The following EPB41 variants were observed in gnomAD, a reference collection of about 807,000 sequenced individuals.
EPB41 encodes the protein erythrocyte membrane protein band 4.1.
EPB41 carries 65 observed loss-of-function variants against 108.0 expected under a neutral mutation model. That is an observed-to-expected ratio of 0.60 (90% CI 0.49 to 0.74). The LOEUF is 0.74. EPB41 is among the 30% of genes least tolerant of loss of function. EPB41 has a pLI of 0.00. For synonymous variants in EPB41, 336 were observed against 358.9 expected (o/e 0.94, Z 0.72); for missense variants, 875 against 1,037.0 (o/e 0.84, Z 2.15).
At chr1:28,967,391 T>G (rs1028462988) in intron 1 of EPB41, among the ~76,000 whole-genome samples, 2 of 152,194 alleles carry the variant, frequency 1.3e-5, no homozygotes, top group African/African-American at 4.8e-5. Flanking sequence ...TTACTGATAC[T>G]TTGGAATCTG....
chr1:29,039,264 A>G lies in EPB41; in HGVS notation c.1474A>G (p.Thr492Ala), dbSNP rs778090351. 19 of 1,614,080 alleles carry G rather than the reference A, an allele frequency of 1.2e-5. No homozygotes were observed. In the East Asian group the frequency reaches 4.2e-4, roughly 36 times the overall value. Residue 492 changes from threonine (T) to alanine (A), a missense_variant, in exon 11 of 21, where the codon ACA (threonine) becomes GCA (alanine). By Grantham distance (58) the Thr-to-Ala change is moderately conservative. Coordinates refer to ENST00000343067, the MANE Select transcript of EPB41 (RefSeq NM_001376013.1). The part of the protein sequence containing the change: ...EHHTFFRLTS[T>A]DTIPKSKFLA... ...CGATTTTCCCCCCAGATTGACATCT[A>G]CAGACACCATTCCCAAAAGCAAATT...
At chr1:29,007,539 C>T (rs896781636) in intron 4 of EPB41, among the ~76,000 whole-genome samples, 1 of 152,196 alleles carries the variant, frequency 6.6e-6, no homozygotes, top group Non-Finnish European at 1.5e-5. Context: ...ATGTCCTCAT[C>T]TGCACTTGAT....
At chr1:28,920,355 T>G (rs1459807236) in intron 1 of EPB41, among the ~76,000 whole-genome samples, 1 of 152,204 alleles carries the variant, frequency 6.6e-6, no homozygotes, top group East Asian at 1.9e-4. Context: ...TTGTAGTTAA[T>G]TGTTATTTAT....
chr1:29,029,232 TCTC>T (rs950078555), intron 7 of EPB41, among the ~76,000 whole-genome samples: 11 of 152,270 alleles, frequency 7.2e-5, no homozygotes, highest in Admixed American at 6.5e-4. Flanking sequence ...ATTTTCCCAT[TCTC>T]CTTTTTTTAA....
intron 7 of EPB41, among the ~76,000 whole-genome samples, 166 bp from the exon 8 acceptor site, chr1:29,030,234 G>A (rs2096771674): frequency 6.6e-6 from 1 of 152,278 alleles, no homozygotes; most frequent in African/African-American, 2.4e-5. Context: ...GATACAGGCA[G>A]TGATGGGTTC....
intron 5 of EPB41, among the ~76,000 whole-genome samples, chr1:29,013,079 C>A (rs1229498553): frequency 6.6e-6 from 1 of 151,844 alleles, no homozygotes; most frequent in East Asian, 1.9e-4. Flanking sequence ...AAAAAAAAAT[C>A]TTGCTAAGAA....
intron 11 of EPB41, 108 bp from the exon 12 acceptor site, chr1:29,052,996 C>T (rs1644785091): frequency 8.3e-6 from 10 of 1,212,036 alleles, no homozygotes; most frequent in Non-Finnish European, 1.1e-5. Flanking sequence ...ACTACACACT[C>T]TAACATTCGT....
chr1:29,030,427 G>A lies in EPB41; in HGVS notation c.1152G>A (p.Leu384=), dbSNP rs759914778. 1 of 1,614,046 alleles carries A rather than the reference G, an allele frequency of 6.2e-7. No homozygotes were observed. Among genetic ancestry groups the A allele is most frequent in the South Asian group, 1.1e-5 (1 of 91,082 alleles). The part of the protein sequence containing the change: ...YRSMTPAQAD[L]EFLENAKKLS... The stretch of plus-strand genomic sequence containing the variant: ...CCATGACTCCAGCTCAGGCTGACTT[G>A]GAGTTTCTTGAGAATGCCAAAAAGT... The change falls in exon 8 of 21, where the codon TTG becomes TTA. Residue 384 remains leucine, a synonymous_variant. Coordinates refer to ENST00000343067, the MANE Select transcript of EPB41 (RefSeq NM_001376013.1).
chr1:29,002,134 A>G lies in EPB41; in HGVS notation c.786+4815A>G, dbSNP rs569969705. Among the ~76,000 whole-genome samples the G allele has an allele frequency of 3.2e-4, 49 of 152,306 alleles. No individual in the cohort carries two copies. The South Asian group carries it at 9.5e-3, about 30-fold the overall frequency. ...GAATCATGCTTGACATGTAGTAAGC[A>G]TTCAATAAAAATAAGGTGTTATCAT... On this transcript the variant is annotated intron_variant, in intron 4 of 20. Transcript: ENST00000343067.
upstream of EPB41, among the ~76,000 whole-genome samples, chr1:28,912,376 T>C (rs183503645): frequency 8.3e-3 from 1,258 of 152,194 alleles, 10 homozygotes; most frequent in South Asian, 0.014. Flanking sequence ...TTAGATGGTA[T>C]AGTCAGGTGG....
chr1:28,957,235 G>C (rs2094990915), intron 1 of EPB41, among the ~76,000 whole-genome samples: 1 of 152,274 alleles, frequency 6.6e-6, no homozygotes, highest in South Asian at 2.1e-4. Flanking sequence ...TGCAGGGGAA[G>C]TAAGAGAACA....
intron 1 of EPB41, among the ~76,000 whole-genome samples, chr1:28,976,962 C>A (rs995966547): frequency 6.6e-6 from 1 of 152,124 alleles, no homozygotes; most frequent in Admixed American, 6.6e-5. Context: ...AAGCCATTCT[C>A]CTGCCTCAGC....
At chr1:28,922,329 G>T (rs2093155144) in intron 1 of EPB41, among the ~76,000 whole-genome samples, 1 of 152,004 alleles carries the variant, frequency 6.6e-6, no homozygotes, top group African/African-American at 2.4e-5. Context: ...GGAAATAGTT[G>T]TTGCCAAGTA....
intron 1 of EPB41, among the ~76,000 whole-genome samples, chr1:28,964,040 A>G (rs558825010): frequency 1.2e-4 from 18 of 152,276 alleles, no homozygotes; most frequent in Admixed American, 5.2e-4. Context: ...TCTTTCATCA[A>G]ACTTGTTAGG....
intron 16 of EPB41, among the ~76,000 whole-genome samples, chr1:29,078,325 T>C (rs537649547): frequency 2.6e-5 from 4 of 152,322 alleles, no homozygotes; most frequent in African/African-American, 9.6e-5. Flanking sequence ...TTTGTACTGT[T>C]TTGGAGAATT....
chr1:28,994,463 G>A (rs988878144), intron 3 of EPB41, among the ~76,000 whole-genome samples: 1 of 151,786 alleles, frequency 6.6e-6, no homozygotes, highest in African/African-American at 2.4e-5. Flanking sequence ...GAGCCACCGC[G>A]CCCGGCCAGA....
intron 8 of EPB41, 52 bp downstream of exon 8, chr1:29,030,539 T>C (rs1386086389): frequency 5.5e-6 from 7 of 1,276,444 alleles, no homozygotes; most frequent in African/African-American, 1.5e-5. Flanking sequence ...TATTATATGA[T>C]ACATGTCTGT....
intron 18 of EPB41, among the ~76,000 whole-genome samples, chr1:29,111,976 CAAA>C: frequency 1.2e-5 from 1 of 82,132 alleles, no homozygotes; most frequent in South Asian, 4.0e-4. Flanking sequence ...GACTCTGTCT[CAAA>C]AAAAAAAAAA....
chr1:29,053,522 TA>T, intron 12 of EPB41: 1 of 619,620 alleles, frequency 1.6e-6, no homozygotes, highest in Non-Finnish European at 2.9e-6. Context: ...TCAGAAGTTA[TA>T]AGGTGACCCA....
Sources: allele counts gnomAD v4.1 joint callset (sites outside exome capture counted in the v4.1 genomes callset), GRCh38; gene constraint gnomAD v4.1.1; transcripts MANE v1.5; gene names NCBI Gene and HGNC (gene_info 2026-07-23, HGNC 2026-07-21).